IGSF9B: variants seen among roughly 807,000 people sequenced by gnomAD.
IGSF9B encodes immunoglobulin superfamily member 9B, also known as protein turtle homolog B.
A neutral mutation model predicts 143.7 loss-of-function variants in IGSF9B; 48 were observed. That is an observed-to-expected ratio of 0.33 (90% CI 0.26 to 0.42). IGSF9B has a LOEUF of 0.42. Among genes scored for constraint, IGSF9B ranks in the 20% least tolerant of loss-of-function variants. IGSF9B has a pLI of 1.00. For missense variants in IGSF9B, 1,706 were observed against 1,980.0 expected, an observed-to-expected ratio of 0.86 and a Z score of 2.63; for synonymous variants, 903 against 833.1, an observed-to-expected ratio of 1.08 and a Z score of -1.44.
chr11:133,922,156 C>G (rs767208646), intron 17 of IGSF9B, 21 bp downstream of exon 17: 1 of 1,609,556 alleles, frequency 6.2e-7, no homozygotes, highest in Non-Finnish European at 8.5e-7. Flanking sequence ...GCACAATTCT[C>G]CCAGGATCTG....
At chr11:133,922,082 T>C (rs1358107458) in intron 17 of IGSF9B, 95 bp downstream of exon 17, 2 of 1,035,540 alleles carry the variant, frequency 1.9e-6, no homozygotes, top group Non-Finnish European at 3.0e-6. Context: ...AGAAATGGCT[T>C]AGAAACACTA....
In IGSF9B at chr11:133,920,762, A is replaced by G. The variant is rs1199510386; in HGVS notation, c.2963T>C (p.Val988Ala). 2.5e-6 allele frequency: 4 copies of G among 1,612,086 alleles called. No homozygotes were observed. The highest frequency in any genetic ancestry group is 1.1e-5 in the South Asian group (1 of 90,978). The change falls in exon 18 of 20, where the codon GTG (valine) becomes GCG (alanine). Residue 988 changes from valine to alanine, a missense_variant. This residue lies in a region of IGSF9B where 880 missense variants were observed against 762.9 expected (regional missense o/e 1.15). Transcript: ENST00000533871. ...CATGACGGAGCTCAGGGGGCTGCCC[A>G]CTTCTGGCACGTAGAACGGGGGCGG... ...VEPPPFYVPE[V>A]GSPLSSVMSS... is the part of the protein sequence containing the mutation.
In IGSF9B at chr11:133,937,771, G is replaced by A. The variant is rs1288955121; in HGVS notation, c.561+39C>T. 5.0e-6 allele frequency: 8 copies of A among 1,594,252 alleles called. No homozygotes were observed. The African/African-American group carries it at 5.4e-5, about 11-fold the overall frequency. On this transcript the variant is annotated intron_variant, in intron 4 of 19. Transcript: ENST00000533871. ...AGGAGGCTGCCCTGGGGAAACGGGG[G>A]AAGAGACCGCAGCGGCCCCAACCTA...
intron 3 of IGSF9B, 47 bp from the exon 4 acceptor site, chr11:133,938,008 G>A (rs186051563): frequency 2.0e-5 from 32 of 1,595,358 alleles, no homozygotes; most frequent in Middle Eastern, 1.7e-4. Context: ...CAGCCACATC[G>A]CTGCCCTGCA....
chr11:133,944,305 C>G lies in IGSF9B; in HGVS notation c.324G>C (p.Gln108His). Reference protein sequence around the residue: ...LRLEQVRSEDQGWYECKVLML... With the variant: ...LRLEQVRSEDHGWYECKVLML... ...TGAGCACTTTGCACTCATACCAGCC[C>G]TGGTCCTCAGAGCGAACTTGTTCCA... Residue 108 changes from glutamine (Q) to histidine (H), a missense_variant, in exon 3 of 20, where the codon CAG (glutamine) becomes CAC (histidine). By Grantham distance (24) the Gln-to-His change is conservative. Around this residue, in one of 7 missense-constraint regions of IGSF9B, gnomAD observed 171 missense variants for 213.9 expected, o/e 0.80. Coordinates refer to ENST00000533871, the MANE Select transcript of IGSF9B (RefSeq NM_001277285.4). 1 of 1,613,944 alleles carries G rather than the reference C, an allele frequency of 6.2e-7. No individual in the cohort carries two copies. The highest frequency in any genetic ancestry group is 8.5e-7 in the Non-Finnish European group (1 of 1,179,870).
chr11:133,926,953 G>T lies in IGSF9B; in HGVS notation c.1770C>A (p.Thr590=). ...CAGTGACCACCTCACTGAAGGCGCT[G>T]GTTCCCAGCTTGTTCTGGGCCAGGA... ...FSVLAQNKLG[T]SAFSEVVTVN... Residue 590 remains threonine (T), a synonymous_variant, in exon 13 of 20, where the codon ACC becomes ACA. Transcript: ENST00000533871. 6.3e-7 allele frequency: 1 copy of T among 1,598,684 alleles called. No homozygotes were observed. Among genetic ancestry groups the T allele is most frequent in the Non-Finnish European group, 8.5e-7 (1 of 1,172,900 alleles).
chr11:133,951,901 T>A (rs1337986712), intron 1 of IGSF9B: 3 of 290,926 alleles, frequency 1.0e-5, no homozygotes, highest in African/African-American at 2.2e-5. Context: ...ACATTCCTAC[T>A]CCAAAGCCAG....
intron 14 of IGSF9B, among the ~76,000 whole-genome samples, chr11:133,925,525 C>A (rs1373079820): frequency 6.6e-6 from 1 of 152,188 alleles, no homozygotes; most frequent in East Asian, 1.9e-4. Flanking sequence ...CAGGTCCCCG[C>A]TGCCCCAGAG....
intron 7 of IGSF9B, among the ~76,000 whole-genome samples, chr11:133,934,010 C>G (rs1370346238): frequency 6.8e-6 from 1 of 147,282 alleles, no homozygotes; most frequent in Non-Finnish European, 1.5e-5. Context: ...CCAAGGTTTT[C>G]AAAGCGTTTA....
At chr11:133,927,333 G>T (rs1332809204) in intron 12 of IGSF9B, among the ~76,000 whole-genome samples, 4 of 152,268 alleles carry the variant, frequency 2.6e-5, no homozygotes, top group African/African-American at 9.6e-5. Flanking sequence ...GCCTTTAGGT[G>T]CAAGTCGTGC....
intron 18 of IGSF9B, 113 bp downstream of exon 18, chr11:133,919,628 GC>G (rs1441636347): frequency 2.9e-6 from 2 of 697,692 alleles, no homozygotes; most frequent in Non-Finnish European, 4.3e-6. Flanking sequence ...CGCCGGTGCG[GC>G]ATGTCCGCAC....
rs1485901300 is a variant in IGSF9B at position 133,945,894 on chromosome 11, C to T, written c.262+167G>A. Among the ~76,000 whole-genome samples, 3 of 152,030 alleles carry T rather than the reference C, an allele frequency of 2.0e-5. No homozygotes were observed. Among genetic ancestry groups the T allele is most frequent in the Non-Finnish European group, 4.4e-5 (3 of 68,026 alleles). On this transcript the variant is annotated intron_variant, in intron 2 of 19. Coordinates refer to ENST00000533871, the MANE Select transcript of IGSF9B (RefSeq NM_001277285.4). This position sits in a 1 kb window ranked among gnomAD's most constrained non-coding sequence, Gnocchi z 4.6. ...TGCCCCACCTCCACAGCCCTCTCCT[C>T]CCACCGCTTGATTAGAACCAACAGA... is the stretch of plus-strand genomic sequence containing the variant.
chr11:133,923,630 G>A (rs772174171), intron 15 of IGSF9B, among the ~76,000 whole-genome samples: 4 of 152,230 alleles, frequency 2.6e-5, no homozygotes, highest in East Asian at 1.9e-4. Context: ...TTGCTGCATC[G>A]ATAATAATAA....
At chr11:133,949,250 C>T (rs1268886762) in intron 1 of IGSF9B, among the ~76,000 whole-genome samples, 2 of 152,136 alleles carry the variant, frequency 1.3e-5, no homozygotes, top group African/African-American at 4.8e-5. Context: ...TGGCCTCCAC[C>T]CTCGCTCCAA....
chr11:133,931,929 G>T lies in IGSF9B; in HGVS notation c.1111-134C>A. The stretch of plus-strand genomic sequence containing the variant: ...CAGCCCGGGGCGGGCGGCACCCGCA[G>T]ACCCCTACAGAAGCAGCTCTCTGTT... On this transcript the variant is annotated intron_variant, in intron 8 of 19. Coordinates refer to ENST00000533871, the MANE Select transcript of IGSF9B (RefSeq NM_001277285.4). This position sits in a 1 kb window ranked among gnomAD's most constrained non-coding sequence, Gnocchi z 7.7. 6.7e-7 allele frequency: 1 copy of T among 1,485,684 alleles called. No homozygotes were observed. The highest frequency in any genetic ancestry group is 1.3e-5 in the South Asian group (1 of 77,718). 92.0% of individuals were successfully genotyped at this position (1,485,684 alleles called of 1,614,324 possible).
rs117452163 is a variant in IGSF9B at position 133,940,667 on chromosome 11, G to A, written c.410-2706C>T. On this transcript the variant is annotated intron_variant, in intron 3 of 19. Coordinates refer to ENST00000533871, the MANE Select transcript of IGSF9B (RefSeq NM_001277285.4). ...CATCACACGCAAAAACATACACCTCGCACGTCCTCGCACGTGTCATCACAT... is the reference window on the plus strand; with the variant it reads ...CATCACACGCAAAAACATACACCTCACACGTCCTCGCACGTGTCATCACAT... Among the ~76,000 whole-genome samples the A allele has an allele frequency of 6.3e-3, 860 of 136,354 alleles. 29 individuals carry two copies. The East Asian group carries it at 0.1, about 16-fold the overall frequency. 89.5% of individuals were successfully genotyped at this position (136,354 alleles called of 152,430 possible). A position where few individuals can be genotyped will look rare whatever the true frequency, so the allele number is the denominator to read the frequency against.
chr11:133,902,872 A>G lies in IGSF9B; in HGVS notation c.*6197T>C, dbSNP rs1939160567. 6.6e-6 allele frequency among the ~76,000 whole-genome samples: 1 copy of G among 152,130 alleles called. No individual in the cohort carries two copies. Among genetic ancestry groups the G allele is most frequent in the Admixed American group, 6.5e-5 (1 of 15,284 alleles). ...TACAGCTTCATAGACCACTATGCCA[A>G]AAGGAGGCCAAAGCCCTGGGTTCTA... On this transcript the variant is annotated 3_prime_UTR_variant, in exon 20 of 20. Transcript: ENST00000533871.
At chr11:133,930,871 A>G (rs1939711772) in intron 11 of IGSF9B, 113 bp downstream of exon 11, 3 of 1,108,018 alleles carry the variant, frequency 2.7e-6, no homozygotes, top group Admixed American at 2.8e-5. Context: ...TGACTTAGGA[A>G]GGGAGCCCGC....
chr11:133,937,031 T>C (rs1382435182), intron 5 of IGSF9B, among the ~76,000 whole-genome samples: 2 of 152,178 alleles, frequency 1.3e-5, no homozygotes, highest in Non-Finnish European at 2.9e-5. Flanking sequence ...CCGTCACTAA[T>C]GGATAGATGA....
Sources: gnomAD v4.1 joint callset for allele counts (sites outside exome capture counted in the v4.1 genomes callset) on GRCh38, gnomAD v4.1.1 for gene constraint, gnomAD v4.1.1 regional missense constraint, Gnocchi (gnomAD v3.1) non-coding constraint, MANE v1.5 for transcripts, NCBI Gene and HGNC (gene_info 2026-07-23, HGNC 2026-07-21) for gene names.